Variants in OR5B3 observed in about 807,000 individuals in gnomAD.
OR5B3 encodes olfactory receptor 5B3.
For missense variants in OR5B3, 430 were observed against 375.4 expected, an observed-to-expected ratio of 1.15 and a Z score of -1.20; for synonymous variants, 150 against 135.0, an observed-to-expected ratio of 1.11 and a Z score of -0.77.
At chr11:58,406,284 A>G (rs1416846348) in intron 1 of OR5B3, among the ~76,000 whole-genome samples, 1 of 152,178 alleles carries the variant, frequency 6.6e-6, no homozygotes, top group Non-Finnish European at 1.5e-5. Context: ...AAATTATATG[A>G]CTAGTTTGAG....
Position 58,402,975 on chromosome 11 carries a change from G to A in OR5B3, c.435C>T (p.Gly145=). The A allele has an allele frequency of 6.2e-7, 1 of 1,614,084 alleles. No homozygotes were observed. Among genetic ancestry groups the A allele is most frequent in the Non-Finnish European group, 8.5e-7 (1 of 1,179,978 alleles). The change falls in exon 2 of 2, where the codon GGC becomes GGT. Residue 145 remains glycine, a synonymous_variant. Coordinates refer to ENST00000641865, the MANE Select transcript of OR5B3 (RefSeq NM_001005469.2). The part of the protein sequence containing the change: ...TTTVCARLAI[G]SYLCGFLNAS... ...CATTCAGGAAACCACAGAGGTAGGA[G>A]CCTATGGCCAGACGAGCACACACAG...
Position 58,403,305 on chromosome 11 carries a change from G to A in OR5B3, c.105C>T (p.Ile35=). ...LFITFPFIYI[I]TLVGNLGIIV... is the part of the protein sequence containing the mutation. ...TAATTCCCAGGTTTCCAACCAGAGTGATAATATAGATGAAGGGGAACGTTA... is the reference window on the plus strand; with the variant it reads ...TAATTCCCAGGTTTCCAACCAGAGTAATAATATAGATGAAGGGGAACGTTA... Residue 35 remains isoleucine, a synonymous_variant, in exon 2 of 2, where the codon ATC becomes ATT. Coordinates refer to ENST00000641865, the MANE Select transcript of OR5B3 (RefSeq NM_001005469.2). 6.2e-7 allele frequency: 1 copy of A among 1,612,354 alleles called. No individual in the cohort carries two copies. The highest frequency in any genetic ancestry group is 8.5e-7 in the Non-Finnish European group (1 of 1,178,514).
chr11:58,406,161 AT>A (rs1294236062), intron 1 of OR5B3, among the ~76,000 whole-genome samples: 3 of 151,130 alleles, frequency 2.0e-5, no homozygotes, highest in African/African-American at 7.3e-5. Flanking sequence ...ATGTGTGTGT[AT>A]ATGCGTGTGT....
rs772280413 is a variant in OR5B3, at chr11:58,402,896, C to T, written c.514G>A (p.Val172Ile). ...GGAATATCACAGAAAAAGTGATGGA[C>T]TTCATTGGACTTACAGAAAGAGAGA... The part of the protein sequence containing the change: ...FSLSFCKSNE[V>I]HHFFCDIPAV... The change falls in exon 2 of 2, where the codon GTC becomes ATC. Residue 172 changes from valine to isoleucine, a missense_variant. Val to Ile is a conservative substitution (Grantham distance 29). Transcript: ENST00000641865. 3.1e-6 allele frequency: 5 copies of T among 1,613,972 alleles called. No individual in the cohort carries two copies. The highest frequency in any genetic ancestry group is 1.1e-5 in the South Asian group (1 of 91,080).
intron 1 of OR5B3, among the ~76,000 whole-genome samples, chr11:58,405,852 C>T (rs978555949): frequency 6.6e-6 from 1 of 151,942 alleles, no homozygotes; most frequent in African/African-American, 2.4e-5. Context: ...TGGTGCCCGT[C>T]AGTGGTAGAC....
At chr11:58,405,073 A>T (rs1855083184) in intron 1 of OR5B3, among the ~76,000 whole-genome samples, 5 of 152,126 alleles carry the variant, frequency 3.3e-5, no homozygotes, top group Admixed American at 3.3e-4. Flanking sequence ...AGTAGTCCAC[A>T]GTGTCTATTG....
chr11:58,403,948 C>T (rs1355691595), intron 1 of OR5B3, among the ~76,000 whole-genome samples: 2 of 152,068 alleles, frequency 1.3e-5, no homozygotes, highest in Non-Finnish European at 2.9e-5. Flanking sequence ...GGACCCATAC[C>T]AACTTTTGAA....
At position 58,403,291 on chromosome 11, in the gene OR5B3, T is replaced by C; in HGVS notation, c.119A>G (p.Asn40Ser). 6.2e-7 allele frequency: 1 copy of C among 1,613,266 alleles called. No homozygotes were observed. ...GAATATCAATACAATAATTCCCAGGTTTCCAACCAGAGTGATAATATAGAT... is the reference window on the plus strand; with the variant it reads ...GAATATCAATACAATAATTCCCAGGCTTCCAACCAGAGTGATAATATAGAT... The part of the protein sequence containing the change: ...PFIYIITLVG[N>S]LGIIVLIFWD... Residue 40 changes from asparagine (N) to serine (S), a missense_variant, in exon 2 of 2, where the codon AAC becomes AGC. Physicochemically the swap from Asn to Ser is conservative, Grantham distance 46. Coordinates refer to ENST00000641865, the MANE Select transcript of OR5B3 (RefSeq NM_001005469.2).
chr11:58,402,547 T>A lies in OR5B3; in HGVS notation c.863A>T (p.Tyr288Phe), dbSNP rs1565151821. 1.2e-6 allele frequency: 2 copies of A among 1,613,676 alleles called. No homozygotes were observed. The highest frequency in any genetic ancestry group is 1.7e-6 in the Non-Finnish European group (2 of 1,179,614). The part of the protein sequence containing the change: ...MVIPMLNPLV[Y>F]SLRNKEVKSA... ...CTTCACTTCCTTGTTCCTCAGACTA[T>A]AGACCAGAGGGTTCAGCATGGGGAT... The change falls in exon 2 of 2, where the codon TAT becomes TTT. Residue 288 changes from tyrosine to phenylalanine, a missense_variant. Transcript: ENST00000641865.
intron 1 of OR5B3, among the ~76,000 whole-genome samples, chr11:58,405,796 G>A (rs1855091167): frequency 6.6e-6 from 1 of 151,972 alleles, no homozygotes; most frequent in Admixed American, 6.6e-5. Flanking sequence ...GTACCTGTAT[G>A]ATCATCAGCA....
chr11:58,403,264 C>A lies in OR5B3; in HGVS notation c.146G>T (p.Trp49Leu). The change falls in exon 2 of 2, where the codon TGG becomes TTG. Residue 49 changes from tryptophan to leucine, a missense_variant. Transcript: ENST00000641865. ...CATGGGATTGTGGAGACAGGAATCC[C>A]AGAATATCAATACAATAATTCCCAG... ...GNLGIIVLIF[W>L]DSCLHNPMYF... 3 of 1,613,696 alleles carry A rather than the reference C, an allele frequency of 1.9e-6. No homozygotes were observed. In the South Asian group the frequency reaches 3.3e-5, roughly 18 times the overall value.
Position 58,403,067 on chromosome 11 carries a change from A to G in OR5B3, c.343T>C (p.Ser115Pro). 6.2e-7 allele frequency: 1 copy of G among 1,614,060 alleles called. No individual in the cohort carries two copies. Among genetic ancestry groups the G allele is most frequent in the Non-Finnish European group, 8.5e-7 (1 of 1,179,914 alleles). The part of the protein sequence containing the change: ...FATVENYLLA[S>P]MAYDRYAAVC... Reference sequence around the variant, plus strand: ...GCTGCATAGCGGTCATAGGCCATTGAGGCCAAGAGGTAATTTTCCACAGTG... The same window carrying G: ...GCTGCATAGCGGTCATAGGCCATTGGGGCCAAGAGGTAATTTTCCACAGTG... The change falls in exon 2 of 2, where the codon TCA becomes CCA. Residue 115 changes from serine to proline, a missense_variant. Coordinates refer to ENST00000641865, the MANE Select transcript of OR5B3 (RefSeq NM_001005469.2).
chr11:58,405,302 G>A (rs1332380618), intron 1 of OR5B3, among the ~76,000 whole-genome samples: 1 of 151,896 alleles, frequency 6.6e-6, no homozygotes, highest in African/African-American at 2.4e-5. Context: ...ATACTCAAAA[G>A]GTAATAAGTC....
intron 1 of OR5B3, among the ~76,000 whole-genome samples, chr11:58,405,910 C>A (rs1320093929): frequency 6.6e-6 from 1 of 151,952 alleles, no homozygotes; most frequent in Non-Finnish European, 1.5e-5. Flanking sequence ...ACTACACAGC[C>A]ATGAAAAAAA....
At chr11:58,404,314 A>G (rs1275102754) in intron 1 of OR5B3, among the ~76,000 whole-genome samples, 2 of 140,780 alleles carry the variant, frequency 1.4e-5, no homozygotes, top group Non-Finnish European at 3.1e-5. Flanking sequence ...TAAAACAGTA[A>G]TGTGACCTAC....
In OR5B3 at chr11:58,402,660, A is replaced by C. The variant is rs1207382849; in HGVS notation, c.750T>G (p.Tyr250Ter). The C allele has an allele frequency of 6.8e-6, 11 of 1,613,890 alleles. No homozygotes were observed. Among genetic ancestry groups the C allele is most frequent in the Non-Finnish European group, 7.6e-6 (9 of 1,179,938 alleles). Residue 250 changes from tyrosine to a stop codon, truncating the protein, a stop_gained, in exon 2 of 2, where the codon TAT becomes TAG. Transcript: ENST00000641865. LOFTEE classifies it low-confidence loss of function (END_TRUNC). The stretch of plus-strand genomic sequence containing the variant: ...GTAAGTACATGAAGATAATAGTCCC[A>C]TAGAAGATGCCGACTGCAATGAAAT... ...ASHFIAVGIFYGTIIFMYLQP... is the reference protein window; with the variant it reads ...ASHFIAVGIF
Position 58,403,461 on chromosome 11 carries a change from T to C in OR5B3, c.-26-26A>G, listed in dbSNP as rs772112917. ...CTTGTAGCAATACAAAAAAGAACAG[T>C]GTGATAAATAAATTGAATTAAAATT... On this transcript the variant is annotated intron_variant, in intron 1 of 1. Transcript: ENST00000641865. 2.0e-5 allele frequency: 19 copies of C among 934,802 alleles called. No individual in the cohort carries two copies. The African/African-American group carries it at 3.1e-4, about 15-fold the overall frequency. 57.9% of individuals were successfully genotyped at this position (934,802 alleles called of 1,614,324 possible).
At chr11:58,404,447 G>A (rs1049420113) in intron 1 of OR5B3, among the ~76,000 whole-genome samples, 8 of 147,674 alleles carry the variant, frequency 5.4e-5, no homozygotes, top group African/African-American at 2.0e-4. Flanking sequence ...TAATCTTTTT[G>A]TTGGTTTGAT....
chr11:58,402,756 G>A lies in OR5B3; in HGVS notation c.654C>T (p.Phe218=). The change falls in exon 2 of 2, where the codon TTC becomes TTT. Residue 218 remains phenylalanine, a synonymous_variant. Coordinates refer to ENST00000641865, the MANE Select transcript of OR5B3 (RefSeq NM_001005469.2). ...ALLVILISYT[F]IFITILKMHS... ...GCATCTTTAGGATGGTGATAAAAAT[G>A]AATGTGTAGGATATCAAGATAACCA... is the stretch of plus-strand genomic sequence containing the variant. 1 of 1,613,888 alleles carries A rather than the reference G, an allele frequency of 6.2e-7. No homozygotes were observed. The highest frequency in any genetic ancestry group is 8.5e-7 in the Non-Finnish European group (1 of 1,179,948).
Sources: allele counts gnomAD v4.1 joint callset (sites outside exome capture counted in the v4.1 genomes callset), GRCh38; gene constraint gnomAD v4.1.1; transcripts MANE v1.5; gene names NCBI Gene and HGNC (gene_info 2026-07-23, HGNC 2026-07-21).